The following NF2 variants were observed in gnomAD, a reference collection of about 807,000 sequenced individuals.
NF2 encodes merlin.
NF2 carries 8 observed loss-of-function variants against 83.7 expected under a neutral mutation model. The observed-to-expected ratio is 0.10, with a 90% CI of 0.06 to 0.17. The LOEUF is 0.17. Ranked by LOEUF, NF2 falls within the 10% of genes least tolerant of loss-of-function variation. NF2 has a pLI of 1.00. For synonymous variants in NF2, 266 were observed against 269.6 expected (o/e 0.99, Z 0.13); for missense variants, 533 against 744.4 (o/e 0.72, Z 3.31).
At position 29,697,899 on chromosome 22, in the gene NF2, C is replaced by T. The variant is rs986349814; in HGVS notation, c.*3097C>T. The T allele has an allele frequency of 3.8e-5, 8 of 212,302 alleles. No individual in the cohort carries two copies. The highest frequency in any genetic ancestry group is 3.5e-4 in the Admixed American group (6 of 16,952). The allele number at this position is 212,302 out of a possible 1,614,324, so 13.2% of individuals were successfully genotyped here. ...TCCTTTTTAAGCGAACATTTTAGGG[C>T]CTGGGAGTTTGTCAAGTAAGGAAGT... On this transcript the variant is annotated 3_prime_UTR_variant, in exon 16 of 16. Coordinates refer to ENST00000338641, the MANE Select transcript of NF2 (RefSeq NM_000268.4).
rs543436855 is a variant in NF2 at position 29,686,395 on chromosome 22, G to A, written c.1737+4794G>A. On this transcript the variant is annotated intron_variant, in intron 15 of 15. Coordinates refer to ENST00000338641, the MANE Select transcript of NF2 (RefSeq NM_000268.4). ...TGGCTCATGCCTATAATCCCAGCAC[G>A]TTGGGAGGCCGAGGCAGGTGAATCA... 7.9e-5 allele frequency among the ~76,000 whole-genome samples: 12 copies of A among 152,322 alleles called. No homozygotes were observed. The South Asian group carries it at 1.9e-3, about 24-fold the overall frequency.
intron 1 of NF2, among the ~76,000 whole-genome samples, chr22:29,617,194 G>A (rs2065103602): frequency 6.6e-6 from 1 of 152,186 alleles, no homozygotes; most frequent in Non-Finnish European, 1.5e-5. Flanking sequence ...CTCCCAAAGT[G>A]CTGGGATTAC....
rs527795536 is a variant in NF2, at chr22:29,697,935, A to G, written c.*3133A>G. ...GTCAAGTAAGGAAGTCTCAAGCCCAAAGAGCAGCGTCCTGACCATGGTGGT... is the reference window on the plus strand; with the variant it reads ...GTCAAGTAAGGAAGTCTCAAGCCCAGAGAGCAGCGTCCTGACCATGGTGGT... On this transcript the variant is annotated 3_prime_UTR_variant, in exon 16 of 16. Coordinates refer to ENST00000338641, the MANE Select transcript of NF2 (RefSeq NM_000268.4). The G allele has an allele frequency of 3.2e-4, 72 of 222,084 alleles. 1 individual carries two copies. The highest frequency in any genetic ancestry group is 1.4e-3 in the Middle Eastern group (1 of 694). 13.8% of individuals were successfully genotyped at this position (222,084 alleles called of 1,614,324 possible). A position where few individuals can be genotyped will look rare whatever the true frequency, so the allele number is the denominator to read the frequency against.
chr22:29,622,791 G>A (rs919836414), intron 1 of NF2, among the ~76,000 whole-genome samples: 6 of 151,240 alleles, frequency 4.0e-5, no homozygotes, highest in Non-Finnish European at 8.8e-5. Flanking sequence ...GAGTAGCTGG[G>A]ATTATGGGTG....
At position 29,665,040 on chromosome 22, in the gene NF2, C is replaced by T. The variant is rs143160499; in HGVS notation, c.861C>T (p.Ser287=). The T allele has an allele frequency of 2.5e-6, 4 of 1,613,622 alleles. No homozygotes were observed. The highest frequency in any genetic ancestry group is 3.4e-6 in the Non-Finnish European group (4 of 1,179,676). ...DKKIDVFKFN[S]SKLRVNKLIL... ...AAATTGATGTCTTCAAGTTTAACTCCTCAAAGCTTCGTGTTAATAAGCTGG... is the reference window on the plus strand; with the variant it reads ...AAATTGATGTCTTCAAGTTTAACTCTTCAAAGCTTCGTGTTAATAAGCTGG... The change falls in exon 9 of 16, where the codon TCC becomes TCT. Residue 287 remains serine, a synonymous_variant. Transcript: ENST00000338641.
intron 14 of NF2, 121 bp from the exon 15 acceptor site, chr22:29,681,318 G>GA: frequency 1.7e-6 from 2 of 1,176,860 alleles, no homozygotes; most frequent in Non-Finnish European, 2.5e-6. Context: ...GCCAAGTAGA[G>GA]ACGTGAACCC....
rs1338096002 is a variant in NF2 at position 29,614,608 on chromosome 22, A to C, written c.114+10496A>C. On this transcript the variant is annotated intron_variant, in intron 1 of 15. Coordinates refer to ENST00000338641, the MANE Select transcript of NF2 (RefSeq NM_000268.4). ...AAAAAAAAAAAAAAATTAGCTGGGC[A>C]TGGTGGCGGGCACCTGTAATCACAG... Among the ~76,000 whole-genome samples the C allele has an allele frequency of 2.7e-5, 4 of 147,152 alleles. No individual in the cohort carries two copies. In the South Asian group the frequency reaches 6.5e-4, roughly 24 times the overall value.
At chr22:29,680,849 C>T (rs2067110047) in intron 14 of NF2, among the ~76,000 whole-genome samples, 1 of 119,362 alleles carries the variant, frequency 8.4e-6, no homozygotes, top group South Asian at 2.5e-4. Context: ...ATAGCAAGAT[C>T]CTATAAAAAA....
Position 29,697,502 on chromosome 22 carries a change from G to A in NF2, c.*2700G>A, listed in dbSNP as rs1015052614. The A allele has an allele frequency of 2.2e-5, 4 of 184,038 alleles. No individual in the cohort carries two copies. In the East Asian group the frequency reaches 3.5e-4, roughly 16 times the overall value. The allele number at this position is 184,038 out of a possible 1,614,324, so 11.4% of individuals were successfully genotyped here. A position where few individuals can be genotyped will look rare whatever the true frequency, so the allele number is the denominator to read the frequency against. Reference sequence around the variant, plus strand: ...GGAGCATCTCAAGCCCCAGTAGCAGGAGAAAGAAAGAAAGAGATGCCTGGT... The same window carrying A: ...GGAGCATCTCAAGCCCCAGTAGCAGAAGAAAGAAAGAAAGAGATGCCTGGT... On this transcript the variant is annotated 3_prime_UTR_variant, in exon 16 of 16. Coordinates refer to ENST00000338641, the MANE Select transcript of NF2 (RefSeq NM_000268.4).
At chr22:29,641,602 ACCATT>A (rs1292087900) in intron 3 of NF2, among the ~76,000 whole-genome samples, 2 of 152,186 alleles carry the variant, frequency 1.3e-5, no homozygotes, top group Non-Finnish European at 2.9e-5. Context: ...CCCAAGTTGC[ACCATT>A]CTAAGAAAAT....
chr22:29,643,571 G>T (rs1471746063), intron 4 of NF2, among the ~76,000 whole-genome samples: 2 of 152,170 alleles, frequency 1.3e-5, no homozygotes, highest in Non-Finnish European at 2.9e-5. Context: ...ACCCTGAGTG[G>T]ACATAGCACA....
In NF2 at chr22:29,694,839, C is replaced by G. The variant is rs1313704343; in HGVS notation, c.*37C>G. 1 of 1,607,094 alleles carries G rather than the reference C, an allele frequency of 6.2e-7. No homozygotes were observed. ...GCCACCCCAGGACCTGCCACTTCTC[C>G]TGCTACCGGGACCGCGGGATGGACC... On this transcript the variant is annotated 3_prime_UTR_variant, in exon 16 of 16. Coordinates refer to ENST00000338641, the MANE Select transcript of NF2 (RefSeq NM_000268.4). The surrounding 1 kb of genome is among the most constrained non-coding windows in gnomAD (Gnocchi z 4.1).
At chr22:29,625,435 C>T (rs923596756) in intron 1 of NF2, among the ~76,000 whole-genome samples, 4 of 152,152 alleles carry the variant, frequency 2.6e-5, no homozygotes, top group Non-Finnish European at 5.9e-5. Flanking sequence ...TGTCCAAGAA[C>T]ATTTTTGCTG....
chr22:29,659,257 A>C (rs1326258955), intron 7 of NF2, among the ~76,000 whole-genome samples: 1 of 152,230 alleles, frequency 6.6e-6, no homozygotes, highest in Non-Finnish European at 1.5e-5. Context: ...GGTTTTGTCA[A>C]CTCAACTCCT....
intron 5 of NF2, among the ~76,000 whole-genome samples, chr22:29,655,371 G>A (rs1408506183): frequency 1.3e-5 from 2 of 152,158 alleles, no homozygotes; most frequent in African/African-American, 2.4e-5. Flanking sequence ...TGCCAGATGA[G>A]GGTTGCACCT....
intron 5 of NF2, 120 bp from the exon 6 acceptor site, chr22:29,655,474 G>C (rs1056889864): frequency 5.2e-5 from 40 of 769,722 alleles, no homozygotes; most frequent in Non-Finnish European, 9.0e-5. Flanking sequence ...ATCTCCCTGG[G>C]TGTAGCTTTT....
chr22:29,694,610 G>A lies in NF2; in HGVS notation c.1738-142G>A. 2.4e-6 allele frequency: 2 copies of A among 834,940 alleles called. No individual in the cohort carries two copies. Among genetic ancestry groups the A allele is most frequent in the Non-Finnish European group, 4.1e-6 (2 of 493,720 alleles). 51.7% of individuals were successfully genotyped at this position (834,940 alleles called of 1,614,324 possible). ...TCTGGCCGCTTATTTGGGACTGACA[G>A]CCAACTTCTTGAGCATCTATTTGAA... On this transcript the variant is annotated intron_variant, in intron 15 of 15. Transcript: ENST00000338641. The surrounding 1 kb of genome is among the most constrained non-coding windows in gnomAD (Gnocchi z 4.1).
intron 15 of NF2, chr22:29,683,574 G>C: frequency 2.7e-6 from 3 of 1,109,178 alleles, no homozygotes; most frequent in Non-Finnish European, 1.1e-6. Context: ...TTTTCCTTTA[G>C]AGCTTTCCCT....
chr22:29,618,324 T>C (rs2065128128), intron 1 of NF2, among the ~76,000 whole-genome samples: 2 of 152,198 alleles, frequency 1.3e-5, no homozygotes, highest in Non-Finnish European at 2.9e-5. Flanking sequence ...GAGAGAGTAC[T>C]TGTAGAATTC....
Sources: gnomAD v4.1 joint callset for allele counts (sites outside exome capture counted in the v4.1 genomes callset) on GRCh38, gnomAD v4.1.1 for gene constraint, Gnocchi (gnomAD v3.1) non-coding constraint, MANE v1.5 for transcripts, NCBI Gene and HGNC (gene_info 2026-07-23, HGNC 2026-07-21) for gene names.